XPO1: variants seen among roughly 807,000 people sequenced by gnomAD.
The protein encoded by XPO1 is exportin-1.
Under a neutral mutation model 133.3 loss-of-function variants are expected in XPO1, and 5 were observed. The ratio of observed to expected loss-of-function variants is 0.04; its 90% CI spans 0.02 to 0.08. The LOEUF (loss-of-function observed/expected upper bound fraction) is 0.08. XPO1 is among the 10% of genes least tolerant of loss of function. The pLI is 1.00. For synonymous variants in XPO1, 419 were observed against 408.2 expected (o/e 1.03, Z -0.32); for missense variants, 506 against 1,267.5 (o/e 0.40, Z 9.12).
At chr2:61,528,735 A>ATT (rs1699022546) in intron 2 of XPO1, among the ~76,000 whole-genome samples, 1 of 1,430 alleles carries the variant, frequency 7.0e-4, no homozygotes, top group East Asian at 0.056. Context: ...CATTTTATTT[A>ATT]TATATATATA....
chr2:61,525,484 T>A, intron 3 of XPO1: 1 of 1,008,880 alleles, frequency 9.9e-7, no homozygotes, highest in Non-Finnish European at 1.2e-6. Context: ...AATTGAAGAA[T>A]TCTTTACCTG....
chr2:61,516,145 AC>A (rs1698379921), intron 4 of XPO1, among the ~76,000 whole-genome samples: 1 of 148,614 alleles, frequency 6.7e-6, no homozygotes, highest in African/African-American at 2.5e-5. Flanking sequence ...AAAAAACAAA[AC>A]AAAACAAAAC....
intron 2 of XPO1, among the ~76,000 whole-genome samples, chr2:61,528,167 C>T (rs1698989456): frequency 6.6e-6 from 1 of 151,734 alleles, no homozygotes. Flanking sequence ...CCTCGTGACC[C>T]GCCTGCCTCA....
At chr2:61,498,513 A>G (rs1391756748) in intron 9 of XPO1, among the ~76,000 whole-genome samples, 160 bp downstream of exon 9, 2 of 152,232 alleles carry the variant, frequency 1.3e-5, no homozygotes, top group African/African-American at 2.4e-5. Flanking sequence ...CTCACTTTAA[A>G]TAATTTACTA....
Position 61,478,564 on chromosome 2 carries a change from T to C in XPO1, c.*256A>G, listed in dbSNP as rs968245779. 3.3e-5 allele frequency: 13 copies of C among 398,044 alleles called. No homozygotes were observed. The highest frequency in any genetic ancestry group is 8.8e-6 in the Non-Finnish European group (2 of 227,248). The allele number at this position is 398,044 out of a possible 1,614,324, so 24.7% of individuals were successfully genotyped here. A position where few individuals can be genotyped will look rare whatever the true frequency, so the allele number is the denominator to read the frequency against. On this transcript the variant is annotated 3_prime_UTR_variant, in exon 25 of 25. Transcript: ENST00000401558. ...CCTCCCCCCAGCCCAGCCACAAAAATGGGCATGAAGTAAAATTTTTAAAAA... is the reference window on the plus strand; with the variant it reads ...CCTCCCCCCAGCCCAGCCACAAAAACGGGCATGAAGTAAAATTTTTAAAAA...
rs143072773 is a variant in XPO1, at chr2:61,508,776, A to G, written c.302-6466T>C. ...ATAGAAGCAACTCAATCTTCAAGTCATAGAGTTGTACATCAGCATCTTACA... is the reference window on the plus strand; with the variant it reads ...ATAGAAGCAACTCAATCTTCAAGTCGTAGAGTTGTACATCAGCATCTTACA... On this transcript the variant is annotated intron_variant, in intron 4 of 24. Coordinates refer to ENST00000401558, the MANE Select transcript of XPO1 (RefSeq NM_003400.4). Among the ~76,000 whole-genome samples, 771 of 152,336 alleles carry G rather than the reference A, an allele frequency of 5.1e-3. 5 individuals are homozygous for G. The highest frequency in any genetic ancestry group is 0.018 in the African/African-American group (750 of 41,580).
Position 61,492,025 on chromosome 2 carries a change from C to CT in XPO1, c.1887+9dup. 6.2e-7 allele frequency: 1 copy of CT among 1,613,916 alleles called. No individual in the cohort carries two copies. Among genetic ancestry groups the CT allele is most frequent in the Non-Finnish European group, 8.5e-7 (1 of 1,179,928 alleles). Reference sequence around the variant, plus strand: ...TTCTAAAAATAACATATGCTCAGTGCTTAACATACCTGTTGAGGCTGAAGA... The same window carrying CT: ...TTCTAAAAATAACATATGCTCAGTGCTTTAACATACCTGTTGAGGCTGAAGA... On this transcript the variant is annotated intron_variant, in intron 16 of 24. Transcript: ENST00000401558. The surrounding 1 kb of genome is among the most constrained non-coding windows in gnomAD (Gnocchi z 5.6).
chr2:61,522,603 T>A lies in XPO1; in HGVS notation c.301+8A>T, dbSNP rs778756602. ...AAACTCTGAATTTATAATTCTTTATTTTCCTACCTTCGCACTGGTTCCTTG... is the reference window on the plus strand; with the variant it reads ...AAACTCTGAATTTATAATTCTTTATATTCCTACCTTCGCACTGGTTCCTTG... On this transcript the variant is annotated splice_region_variant and intron_variant, in intron 4 of 24. Coordinates refer to ENST00000401558, the MANE Select transcript of XPO1 (RefSeq NM_003400.4). The A allele has an allele frequency of 3.4e-5, 54 of 1,609,818 alleles. No individual in the cohort carries two copies. The highest frequency in any genetic ancestry group is 3.1e-5 in the Non-Finnish European group (36 of 1,178,258).
At chr2:61,530,254 CATAA>C (rs1355708102) in intron 2 of XPO1, among the ~76,000 whole-genome samples, 1 of 152,184 alleles carries the variant, frequency 6.6e-6, no homozygotes, top group Non-Finnish European at 1.5e-5. Flanking sequence ...TCAATCGCTA[CATAA>C]ATAATATTCT....
chr2:61,518,410 AAAACAAAACACACACACACAC>A (rs1271995501), intron 4 of XPO1, among the ~76,000 whole-genome samples: 2,915 of 144,898 alleles, frequency 0.02, 108 homozygotes, highest in African/African-American at 0.053. Flanking sequence ...CAAAAAACAA[AAAACAAAACACACACACACAC>A]ACACACACAC....
chr2:61,510,814 G>A (rs1698055824), intron 4 of XPO1, among the ~76,000 whole-genome samples: 1 of 151,824 alleles, frequency 6.6e-6, no homozygotes, highest in African/African-American at 2.4e-5. Context: ...TCATGCGCAC[G>A]TAGTCCCAGT....
At chr2:61,481,939 C>T (rs1007917612) in intron 23 of XPO1, among the ~76,000 whole-genome samples, 2 of 149,728 alleles carry the variant, frequency 1.3e-5, no homozygotes, top group Non-Finnish European at 3.0e-5. Context: ...GTTTCACCAT[C>T]TTGGCCAGGC....
intron 22 of XPO1, 73 bp from the exon 23 acceptor site, chr2:61,482,612 G>T (rs1413279368): frequency 2.8e-4 from 288 of 1,023,702 alleles, no homozygotes; most frequent in African/African-American, 1.8e-3. Context: ...TTTTTGTTTT[G>T]TTTTTTTTTT....
chr2:61,531,697 T>C (rs948209854), intron 2 of XPO1, among the ~76,000 whole-genome samples: 3 of 152,226 alleles, frequency 2.0e-5, no homozygotes, highest in Admixed American at 6.5e-5. Flanking sequence ...AACCCAACCT[T>C]ACTTTCATAG....
intron 7 of XPO1, 98 bp from the exon 8 acceptor site, chr2:61,499,011 G>A (rs960141900): frequency 6.4e-5 from 86 of 1,339,376 alleles, no homozygotes; most frequent in Non-Finnish European, 7.9e-5. Context: ...GCCCAGTACA[G>A]TGGCTCATGC....
At chr2:61,504,565 G>A (rs529741622) in intron 4 of XPO1, among the ~76,000 whole-genome samples, 2 of 152,196 alleles carry the variant, frequency 1.3e-5, no homozygotes, top group Admixed American at 1.3e-4. Flanking sequence ...CAGATTTTTG[G>A]AAAAGCAGTT....
chr2:61,491,941 G>T, intron 16 of XPO1, 94 bp downstream of exon 16: 2 of 1,406,194 alleles, frequency 1.4e-6, no homozygotes, highest in Non-Finnish European at 1.9e-6. Context: ...CACTTCTATT[G>T]GATCCAATAG....
chr2:61,488,884 G>A (rs1696821886), intron 17 of XPO1, 113 bp from the exon 18 acceptor site: 1 of 1,078,072 alleles, frequency 9.3e-7, no homozygotes, highest in Non-Finnish European at 1.4e-6. Context: ...GGCGGATGAT[G>A]AGTTCAGGAG....
intron 2 of XPO1, among the ~76,000 whole-genome samples, chr2:61,529,559 G>A (rs1699062699): frequency 6.6e-6 from 1 of 152,052 alleles, no homozygotes; most frequent in African/African-American, 2.4e-5. Context: ...AGGAGGCTGA[G>A]GCAGGAGAAT....
Sources: gnomAD v4.1 joint callset for allele counts (sites outside exome capture counted in the v4.1 genomes callset) on GRCh38, gnomAD v4.1.1 for gene constraint, Gnocchi (gnomAD v3.1) non-coding constraint, MANE v1.5 for transcripts, NCBI Gene and HGNC (gene_info 2026-07-23, HGNC 2026-07-21) for gene names.